Variants in LOC128092252 observed in about 807,000 individuals in gnomAD.
the LOC128092252 span, chr15:50,686,579 C>T: frequency 1.2e-6 from 2 of 1,607,658 alleles, no homozygotes; most frequent in Non-Finnish European, 8.5e-7. Flanking sequence ...TCCACCTCCT[C>T]CTCCTCCGCG....
chr15:50,659,639 A>G, the LOC128092252 span, among the ~76,000 whole-genome samples: 1 of 151,964 alleles, frequency 6.6e-6, no homozygotes, highest in Non-Finnish European at 1.5e-5. Flanking sequence ...ATAAAACTAT[A>G]GAAAATAAAC....
chr15:50,662,741 A>G, the LOC128092252 span, among the ~76,000 whole-genome samples: 1 of 152,320 alleles, frequency 6.6e-6, no homozygotes, highest in South Asian at 2.1e-4. Flanking sequence ...GAACACTTCA[A>G]GGAAGAGATT....
the LOC128092252 span, among the ~76,000 whole-genome samples, chr15:50,679,494 T>C: frequency 8.4e-6 from 1 of 119,606 alleles, no homozygotes; most frequent in Non-Finnish European, 1.7e-5. Context: ...ATATATTATA[T>C]ATATGTGTAT....
the LOC128092252 span, among the ~76,000 whole-genome samples, chr15:50,681,065 A>C: frequency 1.3e-5 from 2 of 152,280 alleles, no homozygotes; most frequent in Middle Eastern, 6.8e-3. Flanking sequence ...AGCCTGACCA[A>C]CATGGTGAAA....
the LOC128092252 span, chr15:50,663,050 A>C: frequency 6.2e-7 from 1 of 1,609,090 alleles, no homozygotes; most frequent in Non-Finnish European, 8.5e-7. Flanking sequence ...TCTGGGACTA[A>C]AACAAAATGT....
At chr15:50,653,220 G>A in the LOC128092252 span, among the ~76,000 whole-genome samples, 3 of 152,172 alleles carry the variant, frequency 2.0e-5, no homozygotes, top group African/African-American at 4.8e-5. Context: ...GGAGGCATAA[G>A]TGGGAGCATA....
chr15:50,649,693 C>T, the LOC128092252 span, among the ~76,000 whole-genome samples: 1 of 152,052 alleles, frequency 6.6e-6, no homozygotes, highest in African/African-American at 2.4e-5. Flanking sequence ...TGGCTTTCTA[C>T]CCAGAAGCAC....
the LOC128092252 span, among the ~76,000 whole-genome samples, chr15:50,663,788 C>CAT: frequency 6.6e-6 from 1 of 152,062 alleles, no homozygotes; most frequent in African/African-American, 2.4e-5. Context: ...CATGGTGAAA[C>CAT]GCCATCTCTA....
At chr15:50,659,071 G>A in the LOC128092252 span, among the ~76,000 whole-genome samples, 1 of 151,970 alleles carries the variant, frequency 6.6e-6, no homozygotes, top group Non-Finnish European at 1.5e-5. Context: ...GGTGGCACAC[G>A]CCTGTAATTC....
At chr15:50,668,307 C>G in the LOC128092252 span, among the ~76,000 whole-genome samples, 1 of 152,094 alleles carries the variant, frequency 6.6e-6, no homozygotes, top group African/African-American at 2.4e-5. Flanking sequence ...TAAGACTCAT[C>G]TTTTTTACTT....
chr15:50,673,370 C>A, the LOC128092252 span, among the ~76,000 whole-genome samples: 2 of 152,002 alleles, frequency 1.3e-5, no homozygotes, highest in African/African-American at 4.8e-5. Context: ...CACCCATTGC[C>A]CGACCGGTAC....
chr15:50,678,514 AAAAAT>A, the LOC128092252 span, among the ~76,000 whole-genome samples: 2,077 of 79,290 alleles, frequency 0.026, 48 homozygotes, highest in African/African-American at 0.075. Context: ...TTTAAAAAAA[AAAAAT>A]ATATATATAT....
the LOC128092252 span, among the ~76,000 whole-genome samples, chr15:50,665,919 G>T: frequency 6.6e-6 from 1 of 152,066 alleles, no homozygotes; most frequent in African/African-American, 2.4e-5. Flanking sequence ...CTTGAACGTG[G>T]AAGGCAGAGC....
At chr15:50,681,261 A>AC in the LOC128092252 span, among the ~76,000 whole-genome samples, 8 of 110,788 alleles carry the variant, frequency 7.2e-5, no homozygotes, top group South Asian at 1.0e-3. Flanking sequence ...AAAAATAAAT[A>AC]AATACACACA....
the LOC128092252 span, among the ~76,000 whole-genome samples, chr15:50,649,448 A>G: frequency 3.3e-5 from 5 of 151,960 alleles, no homozygotes; most frequent in African/African-American, 1.2e-4. Flanking sequence ...AAAAAAAAAA[A>G]AAAGAAAGAA....
chr15:50,656,499 CT>C, the LOC128092252 span, among the ~76,000 whole-genome samples: 17,028 of 133,398 alleles, frequency 0.13, 1,207 homozygotes, highest in Admixed American at 0.25. Flanking sequence ...GTGTGGTTTT[CT>C]TTTTTTTTTT....
chr15:50,679,480 ATAT>A, the LOC128092252 span, among the ~76,000 whole-genome samples: 1 of 140,264 alleles, frequency 7.1e-6, no homozygotes, highest in South Asian at 2.2e-4. Context: ...TCATTTATAT[ATAT>A]ATATATTATA....
the LOC128092252 span, among the ~76,000 whole-genome samples, chr15:50,676,564 T>A: frequency 4.7e-5 from 7 of 150,054 alleles, no homozygotes; most frequent in East Asian, 1.4e-3. Flanking sequence ...ATCGTTTAAA[T>A]TTTTTTTTTA....
At chr15:50,661,907 A>G in the LOC128092252 span, among the ~76,000 whole-genome samples, 1 of 152,160 alleles carries the variant, frequency 6.6e-6, no homozygotes, top group Non-Finnish European at 1.5e-5. Flanking sequence ...GTTTTTTTCT[A>G]TCTTTAGGCC....
Sources: gnomAD v4.1 joint callset for allele counts (sites outside exome capture counted in the v4.1 genomes callset) on GRCh38, gnomAD v4.1.1 for gene constraint, MANE v1.5 for transcripts.